BMAL2: variants seen among roughly 807,000 people sequenced by gnomAD.
BMAL2 encodes basic helix-loop-helix ARNT like 2.
the BMAL2 span, among the ~76,000 whole-genome samples, chr12:27,385,142 T>C: frequency 1.3e-5 from 2 of 151,762 alleles, no homozygotes; most frequent in Non-Finnish European, 2.9e-5. Flanking sequence ...AGTGAAAACT[T>C]GTCTCTAATA....
the BMAL2 span, among the ~76,000 whole-genome samples, chr12:27,418,933 C>T: frequency 3.3e-5 from 5 of 150,118 alleles, no homozygotes; most frequent in Non-Finnish European, 5.9e-5. Context: ...GAGCCAATGT[C>T]GTACTGCTGC....
chr12:27,400,781 A>T, the BMAL2 span: 1 of 1,595,290 alleles, frequency 6.3e-7, no homozygotes, highest in Non-Finnish European at 8.6e-7. Flanking sequence ...AAAGGTAAAC[A>T]TTTACATGTT....
the BMAL2 span, chr12:27,401,537 G>A: frequency 6.3e-7 from 1 of 1,597,940 alleles, no homozygotes; most frequent in Non-Finnish European, 8.5e-7. Context: ...TACAGAGTAA[G>A]GAGAAAATAC....
At chr12:27,377,820 A>G in the BMAL2 span, among the ~76,000 whole-genome samples, 1 of 152,200 alleles carries the variant, frequency 6.6e-6, no homozygotes, top group Non-Finnish European at 1.5e-5. Context: ...TGTGAATACA[A>G]TTTAATCTGA....
At chr12:27,333,352 C>T in the BMAL2 span, among the ~76,000 whole-genome samples, 4 of 152,168 alleles carry the variant, frequency 2.6e-5, no homozygotes, top group African/African-American at 9.6e-5. Context: ...GGGTCGCCGC[C>T]GGCGCTCAGG....
chr12:27,421,803 G>A, the BMAL2 span: 1 of 152,076 alleles, frequency 6.6e-6, no homozygotes, highest in Non-Finnish European at 1.5e-5. Context: ...TAAATTCATA[G>A]AGTTTTAAAT....
At chr12:27,403,476 T>C in the BMAL2 span, 1 of 1,611,748 alleles carries the variant, frequency 6.2e-7, no homozygotes, top group South Asian at 1.1e-5. Flanking sequence ...GAATGTCTAC[T>C]GGAACAGTAC....
the BMAL2 span, among the ~76,000 whole-genome samples, chr12:27,392,387 A>C: frequency 1.3e-5 from 2 of 152,278 alleles, no homozygotes; most frequent in Admixed American, 1.3e-4. Context: ...GGCAGGTGCC[A>C]TTATTGTCAC....
chr12:27,424,139 T>C, the BMAL2 span: 247 of 152,356 alleles, frequency 1.6e-3, 2 homozygotes, highest in Admixed American at 0.016. Context: ...AATAAAATTA[T>C]ACATGTGGCT....
the BMAL2 span, among the ~76,000 whole-genome samples, chr12:27,388,169 A>G: frequency 2.0e-5 from 3 of 152,076 alleles, no homozygotes; most frequent in African/African-American, 7.2e-5. Flanking sequence ...AGTTAGTGAC[A>G]TGGAATCCAG....
chr12:27,339,376 T>C, the BMAL2 span, among the ~76,000 whole-genome samples: 3 of 152,216 alleles, frequency 2.0e-5, no homozygotes, highest in Admixed American at 6.5e-5. Flanking sequence ...GGAACCTAGG[T>C]TGATTCCATG....
the BMAL2 span, among the ~76,000 whole-genome samples, chr12:27,371,703 A>G: frequency 7.3e-6 from 1 of 136,308 alleles, no homozygotes; most frequent in Admixed American, 7.3e-5. Context: ...CTTTTTTATT[A>G]TGGTAAATAC....
chr12:27,361,962 T>G, the BMAL2 span, among the ~76,000 whole-genome samples: 1 of 152,058 alleles, frequency 6.6e-6, no homozygotes, highest in Non-Finnish European at 1.5e-5. Context: ...CATTCCTTAT[T>G]TAAAGGTTAA....
the BMAL2 span, among the ~76,000 whole-genome samples, chr12:27,394,033 A>G: frequency 1.3e-4 from 20 of 152,156 alleles, no homozygotes; most frequent in Admixed American, 2.6e-4. Flanking sequence ...CTGGGCTCAG[A>G]TGATCTTCCC....
the BMAL2 span, among the ~76,000 whole-genome samples, chr12:27,408,540 A>C: frequency 6.6e-6 from 1 of 152,244 alleles, no homozygotes; most frequent in Non-Finnish European, 1.5e-5. Context: ...ACAAAATTCA[A>C]CAACGCTTCA....
the BMAL2 span, chr12:27,415,987 G>A: frequency 1.5e-6 from 2 of 1,367,272 alleles, no homozygotes; most frequent in Non-Finnish European, 2.0e-6. Context: ...TGAAATAAAT[G>A]AACAATAAAA....
the BMAL2 span, among the ~76,000 whole-genome samples, chr12:27,341,348 C>T: frequency 6.6e-6 from 1 of 152,130 alleles, no homozygotes; most frequent in Non-Finnish European, 1.5e-5. Flanking sequence ...TTATCAAAAA[C>T]CTTTTCTGCA....
chr12:27,384,149 A>G, the BMAL2 span, among the ~76,000 whole-genome samples: 2 of 152,144 alleles, frequency 1.3e-5, no homozygotes, highest in Admixed American at 6.6e-5. Context: ...TGCCCTGGGG[A>G]TGGCTTGCTT....
the BMAL2 span, chr12:27,415,803 T>G: frequency 3.7e-6 from 4 of 1,091,254 alleles, no homozygotes; most frequent in Admixed American, 5.8e-5. Context: ...TATTATGTAT[T>G]TAGAGGAGAA....
Sources: gnomAD v4.1 joint callset for allele counts (sites outside exome capture counted in the v4.1 genomes callset) on GRCh38, gnomAD v4.1.1 for gene constraint, MANE v1.5 for transcripts, NCBI Gene and HGNC (gene_info 2026-07-23, HGNC 2026-07-21) for gene names.